The following CNTNAP2 variants were observed in gnomAD, a reference collection of about 807,000 sequenced individuals.
The protein encoded by CNTNAP2 is contactin associated protein 2.
CNTNAP2 carries 98 observed loss-of-function variants against 155.2 expected under a neutral mutation model. That is an observed-to-expected ratio of 0.63 (90% CI 0.54 to 0.75). CNTNAP2 has a LOEUF of 0.75. Among genes scored for constraint, CNTNAP2 ranks in the 30% least tolerant of loss-of-function variants. CNTNAP2 has a pLI of 0.00. For synonymous variants in CNTNAP2, 651 were observed against 631.2 expected, an observed-to-expected ratio of 1.03 and a Z score of -0.47; for missense variants, 1,727 against 1,688.1, an observed-to-expected ratio of 1.02 and a Z score of -0.40.
intron 1 of CNTNAP2, among the ~76,000 whole-genome samples, chr7:146,546,907 A>G (rs990368904): frequency 3.3e-5 from 5 of 151,976 alleles, no homozygotes; most frequent in Non-Finnish European, 7.4e-5. Flanking sequence ...TGGGAACTAC[A>G]ATTCAAGATG....
intron 13 of CNTNAP2, among the ~76,000 whole-genome samples, chr7:147,869,300 G>A (rs776557275): frequency 2.6e-5 from 4 of 152,212 alleles, no homozygotes; most frequent in Non-Finnish European, 2.9e-5. Context: ...CTATTAAAGT[G>A]CATATCGAAG....
chr7:147,198,283 G>A (rs972300266), intron 8 of CNTNAP2, among the ~76,000 whole-genome samples: 5 of 135,524 alleles, frequency 3.7e-5, no homozygotes, highest in Admixed American at 8.9e-5. Context: ...CCGGGCTAGA[G>A]TGCAATGGTG....
At chr7:147,472,820 A>C (rs1267503469) in intron 10 of CNTNAP2, among the ~76,000 whole-genome samples, 3 of 152,166 alleles carry the variant, frequency 2.0e-5, no homozygotes, top group Non-Finnish European at 4.4e-5. Context: ...GGAGTAGCAA[A>C]ATTAGAGAAT....
intron 13 of CNTNAP2, among the ~76,000 whole-genome samples, chr7:147,640,715 A>G (rs1399699961): frequency 6.6e-6 from 1 of 151,972 alleles, no homozygotes; most frequent in Non-Finnish European, 1.5e-5. Context: ...TTTTAAGGAG[A>G]GGAGAGTTTA....
chr7:147,168,822 A>G lies in CNTNAP2; in HGVS notation c.1348+36313A>G, dbSNP rs181221208. On this transcript the variant is annotated intron_variant, in intron 8 of 23. Transcript: ENST00000361727. ...AAATAATAAGCTAGAAGTTTAGTTTATTCCCTTTCCTAAAGCTCTTCTATA... is the reference window on the plus strand; with the variant it reads ...AAATAATAAGCTAGAAGTTTAGTTTGTTCCCTTTCCTAAAGCTCTTCTATA... 1.6e-3 allele frequency among the ~76,000 whole-genome samples: 243 copies of G among 152,266 alleles called. 11 individuals carry two copies. In the South Asian group the frequency reaches 0.043, roughly 27 times the overall value.
chr7:147,312,718 A>T (rs1309144887), intron 9 of CNTNAP2, among the ~76,000 whole-genome samples: 1 of 107,064 alleles, frequency 9.3e-6, no homozygotes, highest in Non-Finnish European at 1.8e-5. Flanking sequence ...GCTGCAATAA[A>T]CATACGTGTA....
chr7:146,156,253 T>A (rs2116787693), intron 1 of CNTNAP2, among the ~76,000 whole-genome samples: 1 of 152,312 alleles, frequency 6.6e-6, no homozygotes, highest in Non-Finnish European at 1.5e-5. Flanking sequence ...GCTATTATGT[T>A]GTTTCTTACA....
At chr7:146,809,187 G>C (rs531541725) in intron 2 of CNTNAP2, among the ~76,000 whole-genome samples, 3 of 152,158 alleles carry the variant, frequency 2.0e-5, no homozygotes, top group African/African-American at 7.2e-5. Flanking sequence ...CCTACCAACA[G>C]AGGAGTATAA....
At chr7:147,112,050 T>C (rs1337365839) in intron 5 of CNTNAP2, among the ~76,000 whole-genome samples, 1 of 152,194 alleles carries the variant, frequency 6.6e-6, no homozygotes, top group Non-Finnish European at 1.5e-5. Context: ...TCTGATTTCT[T>C]TGAGCAGAGG....
intron 1 of CNTNAP2, among the ~76,000 whole-genome samples, chr7:146,632,986 G>T (rs1028210090): frequency 6.6e-6 from 1 of 151,130 alleles, no homozygotes; most frequent in African/African-American, 2.4e-5. Context: ...TGAATTGAGA[G>T]AATGAATGCT....
At chr7:147,095,325 C>T (rs144448206) in intron 4 of CNTNAP2, among the ~76,000 whole-genome samples, 8,058 of 151,762 alleles carry the variant, frequency 0.053, 538 homozygotes, top group African/African-American at 0.15. Context: ...CGTGAGCCAC[C>T]GCACCCAGCC....
At chr7:147,143,886 T>C (rs1365758767) in intron 8 of CNTNAP2, among the ~76,000 whole-genome samples, 1 of 152,226 alleles carries the variant, frequency 6.6e-6, no homozygotes, top group African/African-American at 2.4e-5. Flanking sequence ...TGACGTGAAG[T>C]AAAGCCTTGA....
intron 11 of CNTNAP2, among the ~76,000 whole-genome samples, chr7:147,505,065 C>G (rs1182855431): frequency 6.6e-6 from 1 of 152,080 alleles, no homozygotes; most frequent in Non-Finnish European, 1.5e-5. Flanking sequence ...TACATCCCCA[C>G]ATAGATTTTC....
chr7:147,221,917 C>T (rs1284051239), intron 8 of CNTNAP2, among the ~76,000 whole-genome samples: 1 of 152,130 alleles, frequency 6.6e-6, no homozygotes, highest in Non-Finnish European at 1.5e-5. Context: ...CTACTCTTTT[C>T]TTGCTTGCAT....
At chr7:146,151,673 T>C (rs1259620900) in intron 1 of CNTNAP2, among the ~76,000 whole-genome samples, 16 of 38,690 alleles carry the variant, frequency 4.1e-4, no homozygotes, top group African/African-American at 1.5e-3. Context: ...TATATATATA[T>C]ATATATATGT....
chr7:147,996,192 A>G (rs1358178576), intron 15 of CNTNAP2, among the ~76,000 whole-genome samples: 1 of 152,194 alleles, frequency 6.6e-6, no homozygotes, highest in African/African-American at 2.4e-5. Context: ...ATGTGATGAA[A>G]ACCAAACTAT....
chr7:147,878,785 G>A (rs369129009), intron 13 of CNTNAP2, among the ~76,000 whole-genome samples: 1 of 152,140 alleles, frequency 6.6e-6, no homozygotes, highest in East Asian at 1.9e-4. Context: ...TTTTAAGTCT[G>A]ACAGTGGCAG....
At chr7:147,436,152 A>G (rs1478456226) in intron 10 of CNTNAP2, among the ~76,000 whole-genome samples, 1 of 152,194 alleles carries the variant, frequency 6.6e-6, no homozygotes. Context: ...AGAAGAATAA[A>G]GAGGTCTTAT....
chr7:147,330,694 G>A (rs897992807), intron 9 of CNTNAP2, among the ~76,000 whole-genome samples: 1 of 152,136 alleles, frequency 6.6e-6, no homozygotes. Context: ...TAATTGGTAT[G>A]AACAGTTTTA....
Sources: gnomAD v4.1 joint callset for allele counts (sites outside exome capture counted in the v4.1 genomes callset) on GRCh38, gnomAD v4.1.1 for gene constraint, MANE v1.5 for transcripts, NCBI Gene and HGNC (gene_info 2026-07-23, HGNC 2026-07-21) for gene names.